The following CCDC88A variants were observed in gnomAD, a reference collection of about 807,000 sequenced individuals.
The protein encoded by CCDC88A is coiled-coil and HOOK domain protein 88A.
In CCDC88A, 54 loss-of-function variants were observed where a neutral mutation model predicts 234.3. The observed-to-expected ratio is 0.23, with a 90% CI of 0.19 to 0.29. CCDC88A has a LOEUF of 0.29. Ranked by LOEUF, CCDC88A falls within the 10% of genes least tolerant of loss-of-function variation. The pLI is 1.00. For missense variants in CCDC88A, 1,832 were observed against 2,123.4 expected (o/e 0.86, Z 2.70); for synonymous variants, 753 against 737.8 (o/e 1.02, Z -0.33).
At position 55,328,155 on chromosome 2, in the gene CCDC88A, T is replaced by C. The variant is rs1684488157; in HGVS notation, c.2997+139A>G. The C allele has an allele frequency of 1.2e-5, 8 of 685,342 alleles. No homozygotes were observed. The highest frequency in any genetic ancestry group is 1.9e-5 in the Non-Finnish European group (8 of 417,512). The allele number at this position is 685,342 out of a possible 1,614,324, so 42.5% of individuals were successfully genotyped here. The stretch of plus-strand genomic sequence containing the variant: ...TATGACAGAGATCTGTTTAAGAATA[T>C]TCTCAAGTTTATGAAAAAGGAAGAA... On this transcript the variant is annotated intron_variant, in intron 17 of 32. Transcript: ENST00000436346. The surrounding 1 kb of genome is among the most constrained non-coding windows in gnomAD (Gnocchi z 4.3).
chr2:55,360,537 G>C (rs973544638), intron 7 of CCDC88A, among the ~76,000 whole-genome samples: 7 of 152,168 alleles, frequency 4.6e-5, no homozygotes, highest in Admixed American at 2.0e-4. Context: ...AGACAGAAGA[G>C]TATGACCACT....
chr2:55,386,592 C>T (rs1050065128), intron 3 of CCDC88A, among the ~76,000 whole-genome samples: 6 of 151,648 alleles, frequency 4.0e-5, no homozygotes, highest in African/African-American at 1.5e-4. Flanking sequence ...ATGCCTCAGC[C>T]TCCTGAGTAG....
At chr2:55,343,133 T>C (rs2104719408) in intron 12 of CCDC88A, among the ~76,000 whole-genome samples, 1 of 152,210 alleles carries the variant, frequency 6.6e-6, no homozygotes, top group South Asian at 2.1e-4. Context: ...ATTAGGTCCA[T>C]AGTATAACCA....
intron 17 of CCDC88A, chr2:55,323,612 T>C (rs1683906805): frequency 1.3e-5 from 2 of 152,232 alleles, no homozygotes; most frequent in African/African-American, 4.8e-5. Context: ...GTCTCTATTT[T>C]ACATGAATTT....
chr2:55,398,419 C>T (rs1677996492), intron 2 of CCDC88A, among the ~76,000 whole-genome samples: 1 of 152,108 alleles, frequency 6.6e-6, no homozygotes, highest in African/African-American at 2.4e-5. Flanking sequence ...CCCAGGATAA[C>T]CATTAAGCAC....
chr2:55,322,541 T>G lies in CCDC88A; in HGVS notation c.3149A>C (p.Glu1050Ala), dbSNP rs1464962125. The G allele has an allele frequency of 7.0e-6, 11 of 1,581,746 alleles. No individual in the cohort carries two copies. Among genetic ancestry groups the G allele is most frequent in the Non-Finnish European group, 8.6e-6 (10 of 1,162,650 alleles). The change falls in exon 18 of 33, where the codon GAA becomes GCA. Residue 1050 changes from glutamate (E) to alanine (A), a missense_variant. Glu to Ala is a moderately radical substitution (Grantham distance 107). Transcript: ENST00000436346. Reference protein sequence around the residue: ...ELLKVKDRLIEVERNNATLQA... With the variant: ...ELLKVKDRLIAVERNNATLQA... The stretch of plus-strand genomic sequence containing the variant: ...AAAAATACTTACATTTCTTTCTACT[T>G]CAATTAATCTGTCTTTAACTTTCAG...
At position 55,295,842 on chromosome 2, in the gene CCDC88A, G is replaced by C. The variant is rs745884835; in HGVS notation, c.5306C>G (p.Ser1769Cys). 3.9e-5 allele frequency: 63 copies of C among 1,613,938 alleles called. No individual in the cohort carries two copies. The highest frequency in any genetic ancestry group is 5.2e-5 in the Non-Finnish European group (61 of 1,180,010). ...RKTEDTYFIS[S>C]AGKPTPGTQG... The stretch of plus-strand genomic sequence containing the variant: ...AGTGCCTGGTGTAGGTTTTCCCGCA[G>C]AACTAATGAAGTAGGTATCTTCAGT... Residue 1769 changes from serine (S) to cysteine (C), a missense_variant, in exon 31 of 33, where the codon TCT becomes TGT. Transcript: ENST00000436346.
intron 8 of CCDC88A, among the ~76,000 whole-genome samples, chr2:55,354,476 T>C (rs1282571539): frequency 6.6e-6 from 1 of 152,202 alleles, no homozygotes; most frequent in African/African-American, 2.4e-5. Context: ...TTAACTCTTT[T>C]ATAATAATGT....
chr2:55,416,968 G>A (rs997929189), intron 2 of CCDC88A: 1 of 149,904 alleles, frequency 6.7e-6, no homozygotes, highest in South Asian at 2.1e-4. Context: ...TTAGGACACC[G>A]AAAAAAAATC....
Position 55,336,735 on chromosome 2 carries a change from C to T in CCDC88A, c.1602G>A (p.Glu534=). The change falls in exon 14 of 33, where the codon GAG becomes GAA. Residue 534 remains glutamate (E), a synonymous_variant. Transcript: ENST00000436346. ...CQNLSKDLMK[E]KAQLEKTIET... is the part of the protein sequence containing the mutation. Reference sequence around the variant, plus strand: ...CTATTGTTTTTTCAAGCTGAGCTTTCTCCTTCATTAGATCCTTGCTTAAAT... The same window carrying T: ...CTATTGTTTTTTCAAGCTGAGCTTTTTCCTTCATTAGATCCTTGCTTAAAT... 2 of 1,597,678 alleles carry T rather than the reference C, an allele frequency of 1.3e-6. No homozygotes were observed. Among genetic ancestry groups the T allele is most frequent in the Admixed American group, 1.7e-5 (1 of 58,230 alleles).
intron 3 of CCDC88A, among the ~76,000 whole-genome samples, chr2:55,383,705 T>C (rs1674994351): frequency 6.6e-6 from 1 of 151,966 alleles, no homozygotes; most frequent in African/African-American, 2.4e-5. Flanking sequence ...CAGGGGCATA[T>C]GACATACAAA....
At chr2:55,297,559 C>T (rs1456453653) in intron 29 of CCDC88A, among the ~76,000 whole-genome samples, 2 of 148,070 alleles carry the variant, frequency 1.4e-5, no homozygotes, top group Admixed American at 1.4e-4. Context: ...TACAGGCATG[C>T]GCCCCCATGC....
At chr2:55,413,962 C>G (rs371024373) in intron 2 of CCDC88A, among the ~76,000 whole-genome samples, 46 of 39,900 alleles carry the variant, frequency 1.2e-3, no homozygotes, top group African/African-American at 2.7e-3. Context: ...AAAACAAAAA[C>G]AAAAACAAAA....
In CCDC88A at chr2:55,335,757, G is replaced by A. The variant is rs930959704; in HGVS notation, c.1657-593C>T. Reference sequence around the variant, plus strand: ...TACAATGATTCTCAAAATTTAGTGTGTTAAATAATCTCAACAAGCTTGGAA... The same window carrying A: ...TACAATGATTCTCAAAATTTAGTGTATTAAATAATCTCAACAAGCTTGGAA... On this transcript the variant is annotated intron_variant, in intron 14 of 32. Coordinates refer to ENST00000436346, the MANE Select transcript of CCDC88A (RefSeq NM_001365480.1). The surrounding 1 kb of genome is among the most constrained non-coding windows in gnomAD (Gnocchi z 4.5). 6.6e-6 allele frequency among the ~76,000 whole-genome samples: 1 copy of A among 152,144 alleles called. No individual in the cohort carries two copies. The highest frequency in any genetic ancestry group is 1.5e-5 in the Non-Finnish European group (1 of 68,034).
At chr2:55,339,910 C>A in intron 12 of CCDC88A, 1 of 263,004 alleles carries the variant, frequency 3.8e-6, no homozygotes, top group Non-Finnish European at 7.0e-6. Flanking sequence ...TAGCTCACTG[C>A]AGCCTCAAAC....
chr2:55,291,620 T>C (rs1325018322), intron 32 of CCDC88A, 56 bp downstream of exon 32: 2 of 715,086 alleles, frequency 2.8e-6, no homozygotes, highest in Admixed American at 5.3e-5. Flanking sequence ...ACACTTAATT[T>C]GGTTAGTTTG....
In CCDC88A at chr2:55,317,807, G is replaced by A. The variant is rs1170323313; in HGVS notation, c.3359C>T (p.Ser1120Leu). Residue 1120 changes from serine to leucine, a missense_variant, in exon 20 of 33, where the codon TCA (serine) becomes TTA (leucine). Around this residue, in one of 6 missense-constraint regions of CCDC88A, gnomAD observed 1,282 missense variants for 1,543.6 expected, o/e 0.83. Transcript: ENST00000436346. The surrounding 1 kb of genome is among the most constrained non-coding windows in gnomAD (Gnocchi z 4.2). ...GAGTTGGGCATTCTGGTTCATGAGT[G>A]AGGTACTTTGGGAATTAAGGGTGGA... ...ENSTLNSQST[S>L]LMNQNAQLLI... 1 of 1,608,064 alleles carries A rather than the reference G, an allele frequency of 6.2e-7. No homozygotes were observed. Among genetic ancestry groups the A allele is most frequent in the South Asian group, 1.1e-5 (1 of 90,420 alleles).
intron 22 of CCDC88A, chr2:55,314,073 G>A (rs1310597281): frequency 6.6e-6 from 1 of 152,232 alleles, no homozygotes; most frequent in Admixed American, 6.5e-5. Context: ...ACAGTTCCAA[G>A]TCTAGGCCTC....
rs555035402 is a variant in CCDC88A at position 55,382,603 on chromosome 2, A to C, written c.273+6175T>G. On this transcript the variant is annotated intron_variant, in intron 3 of 32. Coordinates refer to ENST00000436346, the MANE Select transcript of CCDC88A (RefSeq NM_001365480.1). ...ACAGGGCTAAAAATAACTTTAAAGA[A>C]AAATAAATTTTTTAAGAGCCTAGGT... 2.0e-5 allele frequency among the ~76,000 whole-genome samples: 3 copies of C among 152,322 alleles called. No individual in the cohort carries two copies. The East Asian group carries it at 5.8e-4, about 29-fold the overall frequency.
Sources: allele counts gnomAD v4.1 joint callset (sites outside exome capture counted in the v4.1 genomes callset), GRCh38; gene constraint gnomAD v4.1.1; regional missense constraint gnomAD v4.1.1; non-coding constraint Gnocchi (gnomAD v3.1); transcripts MANE v1.5; gene names NCBI Gene and HGNC (gene_info 2026-07-23, HGNC 2026-07-21).